GPC6: variants seen among roughly 807,000 people sequenced by gnomAD.
GPC6 encodes the protein glypican 6.
GPC6 carries 14 observed loss-of-function variants against 55.2 expected under a neutral mutation model. That is an observed-to-expected ratio of 0.25 (90% CI 0.17 to 0.40). GPC6 has a LOEUF of 0.40. Among genes scored for constraint, GPC6 ranks in the 10% least tolerant of loss-of-function variants. The probability of loss-of-function intolerance (pLI) is 1.00; values close to 1 mark genes in which losing one functional copy is unlikely to be tolerated. For synonymous variants in GPC6, 278 were observed against 259.6 expected (o/e 1.07, Z -0.68); for missense variants, 641 against 708.5 (o/e 0.90, Z 1.08).
chr13:93,797,474 G>C (rs1886235929), intron 2 of GPC6, among the ~76,000 whole-genome samples: 1 of 152,162 alleles, frequency 6.6e-6, no homozygotes, highest in African/African-American at 2.4e-5. Context: ...AGGCTTGGAA[G>C]CTTCTTCCAG....
intron 2 of GPC6, among the ~76,000 whole-genome samples, chr13:93,564,092 A>G (rs1211797420): frequency 6.6e-6 from 1 of 152,152 alleles, no homozygotes; most frequent in Non-Finnish European, 1.5e-5. Flanking sequence ...AAATTTTATT[A>G]GATATTTTAT....
intron 2 of GPC6, among the ~76,000 whole-genome samples, chr13:93,817,035 A>G (rs1231356364): frequency 1.3e-5 from 2 of 152,176 alleles, no homozygotes; most frequent in Non-Finnish European, 2.9e-5. Flanking sequence ...GGAGTCCTGT[A>G]AATTGCATCA....
At chr13:93,393,127 T>TATATATAGAGAGAG (rs1230857277) in intron 1 of GPC6, among the ~76,000 whole-genome samples, 6 of 87,612 alleles carry the variant, frequency 6.8e-5, no homozygotes, top group South Asian at 3.9e-4. Context: ...TATATATATA[T>TATATATAGAGAGAG]AGAGAGAGAG....
intron 3 of GPC6, among the ~76,000 whole-genome samples, chr13:94,026,583 T>G (rs949220995): frequency 6.6e-6 from 1 of 152,146 alleles, no homozygotes; most frequent in Non-Finnish European, 1.5e-5. Flanking sequence ...TAGTCATGAA[T>G]AAGAGTAGTT....
At chr13:93,549,142 T>G (rs974820176) in intron 2 of GPC6, among the ~76,000 whole-genome samples, 1 of 152,240 alleles carries the variant, frequency 6.6e-6, no homozygotes, top group South Asian at 2.1e-4. Flanking sequence ...AGGATTAAAA[T>G]TTTGGATGGA....
At position 93,845,805 on chromosome 13, in the gene GPC6, G is replaced by A. The variant is rs544200313; in HGVS notation, c.711+15260G>A. On this transcript the variant is annotated intron_variant, in intron 3 of 8. Coordinates refer to ENST00000377047, the MANE Select transcript of GPC6 (RefSeq NM_005708.5). ...CAATGAGATCACGTGGACACATGAA[G>A]GGGAATACCACACTCTGGGGACTGT... 9.0e-4 allele frequency among the ~76,000 whole-genome samples: 129 copies of A among 143,034 alleles called. 5 individuals are homozygous for A. The South Asian group carries it at 0.028, about 31-fold the overall frequency. 93.8% of individuals were successfully genotyped at this position (143,034 alleles called of 152,430 possible).
chr13:93,334,571 C>T (rs536030263), intron 1 of GPC6, among the ~76,000 whole-genome samples: 58 of 152,116 alleles, frequency 3.8e-4, no homozygotes, highest in African/African-American at 1.1e-3. Flanking sequence ...CAAGCGATTC[C>T]CCTGCCTCAC....
chr13:94,329,554 TCCA>T (rs769600033), intron 6 of GPC6, among the ~76,000 whole-genome samples: 5 of 152,220 alleles, frequency 3.3e-5, no homozygotes, highest in Admixed American at 2.6e-4. Flanking sequence ...AGGTTTATTC[TCCA>T]CAGGATCTGC....
intron 1 of GPC6, among the ~76,000 whole-genome samples, chr13:93,443,365 A>G (rs1877876567): frequency 6.6e-6 from 1 of 152,216 alleles, no homozygotes; most frequent in Admixed American, 6.5e-5. Flanking sequence ...AAATGATAGC[A>G]AAATAAGTAG....
At chr13:94,182,151 C>T (rs554126083) in intron 4 of GPC6, among the ~76,000 whole-genome samples, 1 of 152,102 alleles carries the variant, frequency 6.6e-6, no homozygotes, top group South Asian at 2.1e-4. Flanking sequence ...AATAACCAGG[C>T]AGATTCCACT....
At chr13:94,400,459 C>T (rs1446629237) in intron 8 of GPC6, among the ~76,000 whole-genome samples, 1 of 152,166 alleles carries the variant, frequency 6.6e-6, no homozygotes, top group Non-Finnish European at 1.5e-5. Flanking sequence ...ATTCCCTTAG[C>T]AATTCTGATA....
intron 1 of GPC6, among the ~76,000 whole-genome samples, chr13:93,424,138 C>T (rs1877029486): frequency 6.6e-6 from 1 of 152,098 alleles, no homozygotes; most frequent in Non-Finnish European, 1.5e-5. Context: ...GGAAGTTTAT[C>T]TCAAGAGAGA....
At chr13:94,040,880 T>C (rs1012745371) in intron 4 of GPC6, among the ~76,000 whole-genome samples, 1 of 151,910 alleles carries the variant, frequency 6.6e-6, no homozygotes, top group Non-Finnish European at 1.5e-5. Flanking sequence ...CTTACTACAT[T>C]TCCTTTGAAT....
chr13:93,922,768 T>C (rs1877641414), intron 3 of GPC6, among the ~76,000 whole-genome samples: 1 of 152,218 alleles, frequency 6.6e-6, no homozygotes, highest in Non-Finnish European at 1.5e-5. Flanking sequence ...GACTCTTTTT[T>C]AGGTTCTCAT....
intron 3 of GPC6, among the ~76,000 whole-genome samples, chr13:93,926,194 A>C (rs1877847725): frequency 6.6e-6 from 1 of 152,268 alleles, no homozygotes; most frequent in East Asian, 1.9e-4. Context: ...GCAGTGTGAA[A>C]GGGGCCTAGA....
rs190250447 is a variant in GPC6, at chr13:93,909,106, C to T, written c.711+78561C>T. 2.0e-4 allele frequency among the ~76,000 whole-genome samples: 31 copies of T among 152,242 alleles called. No individual in the cohort carries two copies. The East Asian group carries it at 2.9e-3, about 14-fold the overall frequency. On this transcript the variant is annotated intron_variant, in intron 3 of 8. Transcript: ENST00000377047. ...CCTGAGTGTCTTCTTTACCTATTTC[C>T]GTAGCCTATAACTGTGCCTGGCATA... is the stretch of plus-strand genomic sequence containing the variant.
At chr13:94,121,818 T>C (rs1236966574) in intron 4 of GPC6, among the ~76,000 whole-genome samples, 1 of 152,112 alleles carries the variant, frequency 6.6e-6, no homozygotes, top group Non-Finnish European at 1.5e-5. Context: ...TGGATTTCTA[T>C]TGAATCAGCA....
chr13:93,228,731 T>G (rs1483252305), intron 1 of GPC6, among the ~76,000 whole-genome samples: 1 of 152,214 alleles, frequency 6.6e-6, no homozygotes, highest in Non-Finnish European at 1.5e-5. Context: ...GCTGAAGTCC[T>G]TAGTGACCTC....
chr13:94,276,398 T>C (rs1892204344), intron 4 of GPC6, among the ~76,000 whole-genome samples: 2 of 152,162 alleles, frequency 1.3e-5, no homozygotes, highest in African/African-American at 4.8e-5. Context: ...AATCCTTGTT[T>C]AGGGGGCAGA....
Sources: gnomAD v4.1 joint callset for allele counts (sites outside exome capture counted in the v4.1 genomes callset) on GRCh38, gnomAD v4.1.1 for gene constraint, MANE v1.5 for transcripts, NCBI Gene and HGNC (gene_info 2026-07-23, HGNC 2026-07-21) for gene names.